The following PCCA variants were observed in gnomAD, a reference collection of about 807,000 sequenced individuals.
PCCA encodes the protein propionyl-CoA carboxylase subunit alpha.
Under a neutral mutation model 101.3 loss-of-function variants are expected in PCCA, and 74 were observed. The observed-to-expected ratio is 0.73, with a 90% CI of 0.61 to 0.89. The LOEUF (loss-of-function observed/expected upper bound fraction) is 0.89. PCCA is among the 40% of genes least tolerant of loss of function. PCCA has a pLI of 0.00. For missense variants in PCCA, 891 were observed against 907.0 expected (o/e 0.98, Z 0.23); for synonymous variants, 294 against 313.6 (o/e 0.94, Z 0.66).
intron 8 of PCCA, among the ~76,000 whole-genome samples, chr13:100,251,456 ACTTTGCATGTTATT>A (rs1369501573): frequency 2.0e-5 from 3 of 152,224 alleles, no homozygotes; most frequent in Admixed American, 1.3e-4. Context: ...AGTAACTCTT[ACTTTGCATGTTATT>A]CTTTAGGCAG....
intron 4 of PCCA, among the ~76,000 whole-genome samples, chr13:100,121,531 A>G (rs1455547282): frequency 6.8e-6 from 1 of 147,216 alleles, no homozygotes; most frequent in African/African-American, 2.5e-5. Flanking sequence ...CTGGAGTGCA[A>G]TGGTGCGATC....
intron 21 of PCCA, among the ~76,000 whole-genome samples, chr13:100,459,780 T>G (rs1159864576): frequency 3.3e-5 from 5 of 152,198 alleles, no homozygotes; most frequent in Non-Finnish European, 7.3e-5. Flanking sequence ...ACAACAGATG[T>G]TTATTTCTCA....
At chr13:100,158,720 C>A (rs2054125576) in intron 6 of PCCA, among the ~76,000 whole-genome samples, 1 of 152,084 alleles carries the variant, frequency 6.6e-6, no homozygotes, top group South Asian at 2.1e-4. Context: ...CACTACAGTC[C>A]ACAGGACAAA....
chr13:100,143,536 A>C (rs7338151), intron 4 of PCCA, among the ~76,000 whole-genome samples: 1 of 140,982 alleles, frequency 7.1e-6, no homozygotes, highest in Non-Finnish European at 1.5e-5. Context: ...CTCTGCATCC[A>C]CAAAAAAAAA....
chr13:100,223,240 G>A (rs2059928838), intron 7 of PCCA, among the ~76,000 whole-genome samples: 2 of 152,090 alleles, frequency 1.3e-5, no homozygotes, highest in Admixed American at 6.6e-5. Context: ...TCCGGAATTG[G>A]TGGGTTCTTG....
intron 21 of PCCA, among the ~76,000 whole-genome samples, chr13:100,467,993 G>C (rs1399986167): frequency 6.6e-6 from 1 of 152,174 alleles, no homozygotes; most frequent in Non-Finnish European, 1.5e-5. Context: ...AAGCTGAAAC[G>C]ACTGCTTGAT....
intron 12 of PCCA, among the ~76,000 whole-genome samples, chr13:100,279,991 CTG>C (rs1220735273): frequency 1.4e-4 from 19 of 133,706 alleles, no homozygotes; most frequent in African/African-American, 4.6e-4. Flanking sequence ...AGCTTCAGAA[CTG>C]TGTTTTGTTT....
intron 22 of PCCA, among the ~76,000 whole-genome samples, chr13:100,520,631 T>C (rs1361519110): frequency 1.4e-5 from 1 of 69,504 alleles, no homozygotes; most frequent in African/African-American, 6.7e-5. Context: ...CGAGACTCCG[T>C]CTCAAAAAAA....
chr13:100,198,098 G>A (rs1291378258), intron 6 of PCCA: 2 of 152,292 alleles, frequency 1.3e-5, no homozygotes, highest in East Asian at 3.8e-4. Context: ...ATAAAGTGGA[G>A]GTAGTAAAAA....
At chr13:100,246,744 T>A (rs2061453026) in intron 8 of PCCA, among the ~76,000 whole-genome samples, 1 of 152,134 alleles carries the variant, frequency 6.6e-6, no homozygotes, top group Non-Finnish European at 1.5e-5. Flanking sequence ...TCTTTCAGAT[T>A]TGATGAAAAT....
intron 6 of PCCA, among the ~76,000 whole-genome samples, chr13:100,202,083 A>G (rs2058550786): frequency 6.9e-6 from 1 of 145,812 alleles, no homozygotes; most frequent in Non-Finnish European, 1.5e-5. Flanking sequence ...CAATCCCAAC[A>G]CTTTGGGAGA....
chr13:100,212,735 T>C (rs2059291018), intron 7 of PCCA, among the ~76,000 whole-genome samples: 1 of 152,162 alleles, frequency 6.6e-6, no homozygotes, highest in African/African-American at 2.4e-5. Flanking sequence ...CAGTCTAATA[T>C]ACTTTTAGTT....
At chr13:100,266,027 G>T (rs2152569150) in intron 10 of PCCA, among the ~76,000 whole-genome samples, 1 of 151,616 alleles carries the variant, frequency 6.6e-6, no homozygotes, top group East Asian at 2.0e-4. Context: ...TAGACAGTTG[G>T]CTATTTAAAT....
At chr13:100,301,747 A>G in intron 13 of PCCA, 144 bp downstream of exon 13, 1 of 1,001,052 alleles carries the variant, frequency 1.0e-6, no homozygotes, top group East Asian at 2.4e-5. Flanking sequence ...TCAGAAAAAA[A>G]TTAGATAATT....
rs3840000 is a variant in PCCA, at chr13:100,516,736, CGTGTGTGT to C, written c.2040+1186_2040+1193del. On this transcript the variant is annotated intron_variant, in intron 22 of 23. Coordinates refer to ENST00000376285, the MANE Select transcript of PCCA (RefSeq NM_000282.4). ...TTGGGAGAGGCCATAAGAAAAATTA[CGTGTGTGT>C]GTGTGTGTGTGTGTGTAATGTGTGT... 9.7e-4 allele frequency among the ~76,000 whole-genome samples: 140 copies of C among 145,070 alleles called. 1 individual carries two copies. Among genetic ancestry groups the C allele is most frequent in the Middle Eastern group, 3.6e-3 (1 of 280 alleles).
At chr13:100,390,194 T>C (rs1325547210) in intron 19 of PCCA, among the ~76,000 whole-genome samples, 2 of 152,248 alleles carry the variant, frequency 1.3e-5, no homozygotes, top group African/African-American at 2.4e-5. Context: ...AATATGTTAT[T>C]TAACAACAAT....
intron 6 of PCCA, among the ~76,000 whole-genome samples, chr13:100,168,506 T>C (rs770619227): frequency 6.6e-6 from 1 of 152,214 alleles, no homozygotes; most frequent in Non-Finnish European, 1.5e-5. Flanking sequence ...GAGTGTTCCA[T>C]GTATGCATGG....
intron 8 of PCCA, among the ~76,000 whole-genome samples, chr13:100,248,311 A>T (rs953868974): frequency 7.2e-5 from 11 of 151,952 alleles, no homozygotes; most frequent in African/African-American, 2.2e-4. Context: ...TTTAAAAAAA[A>T]TGTCTCTTGT....
chr13:100,380,032 AAC>A (rs140284754), intron 19 of PCCA, among the ~76,000 whole-genome samples: 18 of 149,394 alleles, frequency 1.2e-4, no homozygotes, highest in East Asian at 2.0e-4. Context: ...AAGTAATCTA[AAC>A]ACACACACAC....
Sources: gnomAD v4.1 joint callset for allele counts (sites outside exome capture counted in the v4.1 genomes callset) on GRCh38, gnomAD v4.1.1 for gene constraint, MANE v1.5 for transcripts, NCBI Gene and HGNC (gene_info 2026-07-23, HGNC 2026-07-21) for gene names.